NRF1: variants seen among roughly 807,000 people sequenced by gnomAD.
NRF1 encodes the protein nuclear respiratory factor 1.
Under a neutral mutation model 58.5 loss-of-function variants are expected in NRF1, and 5 were observed. The observed-to-expected ratio is 0.09, with a 90% CI of 0.04 to 0.18. The LOEUF (loss-of-function observed/expected upper bound fraction) is 0.18. Among genes scored for constraint, NRF1 ranks in the 10% least tolerant of loss-of-function variants. The pLI is 1.00. For missense variants in NRF1, 288 were observed against 657.7 expected (o/e 0.44, Z 6.15); for synonymous variants, 224 against 246.7 (o/e 0.91, Z 0.86).
Position 129,675,923 on chromosome 7 carries a change from T to C in NRF1, c.339-1709T>C, listed in dbSNP as rs369449468. On this transcript the variant is annotated intron_variant, in intron 3 of 10. Transcript: ENST00000393232. ...GCTAGGAAAGTCCTAGATTGTATCT[T>C]CTTCCAGTAGAAGGCTGTTTTATCT... Among the ~76,000 whole-genome samples, 7 of 152,256 alleles carry C rather than the reference T, an allele frequency of 4.6e-5. No individual in the cohort carries two copies. The East Asian group carries it at 7.7e-4, about 17-fold the overall frequency.
At chr7:129,639,051 C>G (rs1447151264) in intron 1 of NRF1, among the ~76,000 whole-genome samples, 2 of 152,050 alleles carry the variant, frequency 1.3e-5, no homozygotes, top group African/African-American at 4.8e-5. Flanking sequence ...TGAATTAACT[C>G]ACAAAGTAAA....
chr7:129,688,525 T>G (rs1371190450), intron 4 of NRF1, among the ~76,000 whole-genome samples: 2 of 152,186 alleles, frequency 1.3e-5, no homozygotes, highest in Non-Finnish European at 2.9e-5. Context: ...CTAGGTGTAT[T>G]AGTCCGTTTT....
chr7:129,696,169 A>G (rs1174170249), intron 5 of NRF1, among the ~76,000 whole-genome samples: 2 of 151,210 alleles, frequency 1.3e-5, no homozygotes, highest in African/African-American at 4.9e-5. Flanking sequence ...GCTTGAACCC[A>G]GGAGGCGGAG....
intron 1 of NRF1, among the ~76,000 whole-genome samples, chr7:129,623,026 A>G (rs1214730608): frequency 6.6e-6 from 1 of 152,148 alleles, no homozygotes; most frequent in Non-Finnish European, 1.5e-5. Flanking sequence ...CCTAATACAT[A>G]TTTGTTGAGG....
At chr7:129,617,220 GT>G (rs993916165) in intron 1 of NRF1, among the ~76,000 whole-genome samples, 1 of 151,940 alleles carries the variant, frequency 6.6e-6, no homozygotes, top group Non-Finnish European at 1.5e-5. Flanking sequence ...TATTAAGACA[GT>G]TTTTTTTAAA....
intron 10 of NRF1, among the ~76,000 whole-genome samples, chr7:129,743,639 G>T (rs928623018): frequency 3.9e-5 from 6 of 152,154 alleles, no homozygotes; most frequent in African/African-American, 9.7e-5. Flanking sequence ...TATCCTCATA[G>T]TGGTCCTAAG....
chr7:129,683,573 A>C (rs1324391232), intron 4 of NRF1, among the ~76,000 whole-genome samples: 1 of 139,412 alleles, frequency 7.2e-6, no homozygotes, highest in African/African-American at 2.7e-5. Context: ...CAGGTAATCC[A>C]CCTGCCTCGG....
rs760148121 is a variant in NRF1, at chr7:129,671,412, A to G, written c.224-17A>G. On this transcript the variant is annotated splice_polypyrimidine_tract_variant and intron_variant, in intron 2 of 10. Coordinates refer to ENST00000393232, the MANE Select transcript of NRF1 (RefSeq NM_005011.5). ...ACAGGCAGCTGCCTAATCTCAGCAC[A>G]TACGTTATTATTTCAGGTCCTGTGG... is the stretch of plus-strand genomic sequence containing the variant. The G allele has an allele frequency of 6.4e-7, 1 of 1,558,510 alleles. No individual in the cohort carries two copies. Among genetic ancestry groups the G allele is most frequent in the Admixed American group, 1.7e-5 (1 of 59,896 alleles).
intron 2 of NRF1, among the ~76,000 whole-genome samples, chr7:129,663,321 C>T (rs1207192136): frequency 1.3e-5 from 2 of 152,052 alleles, no homozygotes; most frequent in South Asian, 4.1e-4. Context: ...CAGAGGCGCT[C>T]CCCACTTCCC....
chr7:129,636,635 T>C (rs866851571), intron 1 of NRF1, among the ~76,000 whole-genome samples: 32 of 152,306 alleles, frequency 2.1e-4, no homozygotes, highest in Middle Eastern at 3.4e-3. Context: ...CACTAAGCCA[T>C]TGGGGTGTTT....
chr7:129,675,060 C>G (rs1802145206), intron 3 of NRF1, among the ~76,000 whole-genome samples: 1 of 152,184 alleles, frequency 6.6e-6, no homozygotes, highest in African/African-American at 2.4e-5. Context: ...GTGTAATATT[C>G]TAAATCTTTT....
intron 1 of NRF1, among the ~76,000 whole-genome samples, chr7:129,621,770 T>C (rs1442668375): frequency 6.7e-6 from 1 of 149,058 alleles, no homozygotes; most frequent in African/African-American, 2.5e-5. Flanking sequence ...TTAAAAGTTT[T>C]TCTCCATAGA....
chr7:129,724,504 G>GT (rs1050896377), intron 9 of NRF1, among the ~76,000 whole-genome samples: 4 of 152,188 alleles, frequency 2.6e-5, no homozygotes, highest in African/African-American at 9.6e-5. Context: ...TGGGACTACC[G>GT]TATGTTGCAG....
At chr7:129,700,177 A>G (rs1802788484) in intron 5 of NRF1, among the ~76,000 whole-genome samples, 1 of 152,138 alleles carries the variant, frequency 6.6e-6, no homozygotes, top group Non-Finnish European at 1.5e-5. Context: ...TATGATGGTT[A>G]TACAACATTG....
chr7:129,663,137 T>C (rs1385066090), intron 2 of NRF1, among the ~76,000 whole-genome samples: 2 of 152,078 alleles, frequency 1.3e-5, no homozygotes, highest in Non-Finnish European at 2.9e-5. Context: ...CAAAATGGAG[T>C]CTCCTATGTC....
chr7:129,752,741 GAA>G (rs1804150103), intron 10 of NRF1, among the ~76,000 whole-genome samples: 2 of 152,116 alleles, frequency 1.3e-5, no homozygotes, highest in Non-Finnish European at 2.9e-5. Context: ...GAGTGACTGG[GAA>G]GGGGTGAACT....
At chr7:129,697,221 G>A (rs1802719161) in intron 5 of NRF1, among the ~76,000 whole-genome samples, 1 of 151,560 alleles carries the variant, frequency 6.6e-6, no homozygotes, top group African/African-American at 2.4e-5. Context: ...TGGTGTCTAC[G>A]AAAACAAAAT....
chr7:129,669,802 A>G (rs568152799), intron 2 of NRF1, among the ~76,000 whole-genome samples: 53 of 152,358 alleles, frequency 3.5e-4, no homozygotes, highest in African/African-American at 1.2e-3. Flanking sequence ...AAAATTAAAA[A>G]TAGAACTACC....
At chr7:129,660,713 C>T in intron 2 of NRF1, among the ~76,000 whole-genome samples, 1 of 150,758 alleles carries the variant, frequency 6.6e-6, no homozygotes, top group South Asian at 2.1e-4. Context: ...GTACAGCCTC[C>T]CTCCCAGCTG....
Sources: allele counts gnomAD v4.1 joint callset (sites outside exome capture counted in the v4.1 genomes callset), GRCh38; gene constraint gnomAD v4.1.1; transcripts MANE v1.5; gene names NCBI Gene and HGNC (gene_info 2026-07-23, HGNC 2026-07-21).